Variants in SLC9A6 observed in about 807,000 individuals in gnomAD.
The protein encoded by SLC9A6 is sodium/hydrogen exchanger 6.
SLC9A6 carries 6 observed loss-of-function variants against 45.3 expected under a neutral mutation model. The ratio of observed to expected loss-of-function variants is 0.13; its 90% CI spans 0.07 to 0.26. The LOEUF (loss-of-function observed/expected upper bound fraction) is 0.26, where lower values mean the gene tolerates loss of function less well. Among genes scored for constraint, SLC9A6 ranks in the 10% least tolerant of loss-of-function variants. The pLI is 1.00. For synonymous variants in SLC9A6, 191 were observed against 187.7 expected, an observed-to-expected ratio of 1.02 and a Z score of -0.14; for missense variants, 278 against 503.7, an observed-to-expected ratio of 0.55 and a Z score of 4.29.
chrX:135,983,705 T>G (rs2089298303), upstream of SLC9A6: 1 of 106,832 alleles, frequency 9.4e-6, no homozygotes, highest in African/African-American at 3.4e-5. Flanking sequence ...CTTCGGGTTT[T>G]TTTTTTTTTT....
chrX:135,984,300 T>G (rs2089302938), upstream of SLC9A6, among the ~76,000 whole-genome samples: 1 of 111,483 alleles, frequency 9.0e-6, no homozygotes, highest in African/African-American at 3.3e-5. Context: ...AATTTGTACT[T>G]GCAGGGGGAA....
At chrX:135,989,338 G>A (rs781939537) in intron 2 of SLC9A6, among the ~76,000 whole-genome samples, 4 of 111,957 alleles carry the variant, frequency 3.6e-5, no homozygotes, top group East Asian at 5.6e-4. Context: ...AAAAGTTGTC[G>A]AGGTAGTTAA....
chrX:135,984,196 T>A (rs892922949), upstream of SLC9A6, among the ~76,000 whole-genome samples: 1 of 111,413 alleles, frequency 9.0e-6, no homozygotes, highest in African/African-American at 3.3e-5. Flanking sequence ...GGCCATGAGA[T>A]GGAAAGAACC....
At chrX:136,021,774 G>A (rs1357346139) in intron 11 of SLC9A6, among the ~76,000 whole-genome samples, 7 of 111,719 alleles carry the variant, frequency 6.3e-5, no homozygotes, top group South Asian at 7.6e-4. Flanking sequence ...CTATCCTCCC[G>A]CCCCGGTCTC....
chrX:136,008,105 C>T (rs1556618198), intron 7 of SLC9A6, among the ~76,000 whole-genome samples: 1 of 111,895 alleles, frequency 8.9e-6, no homozygotes, highest in East Asian at 2.8e-4. Context: ...GATGTTCTTT[C>T]AGTTATTTAT....
intron 2 of SLC9A6, among the ~76,000 whole-genome samples, chrX:135,989,933 C>T (rs782490727): frequency 6.4e-5 from 7 of 108,589 alleles, no homozygotes; most frequent in African/African-American, 1.7e-4. Context: ...TTTTGAGACG[C>T]GTTAGGACCT....
chrX:136,041,859 T>C (rs916076545), intron 17 of SLC9A6, among the ~76,000 whole-genome samples: 2 of 111,862 alleles, frequency 1.8e-5, no homozygotes, highest in Non-Finnish European at 3.8e-5. Flanking sequence ...TGAGGGAGAA[T>C]CTGCTCCAGG....
intron 7 of SLC9A6, among the ~76,000 whole-genome samples, chrX:136,005,533 T>C (rs1443660810): frequency 9.0e-6 from 1 of 111,486 alleles, no homozygotes; most frequent in Non-Finnish European, 1.9e-5. Context: ...ATACAAAAAT[T>C]AGTCAGGCGT....
chrX:136,015,439 T>C (rs890337943), intron 10 of SLC9A6, among the ~76,000 whole-genome samples: 16 of 111,778 alleles, frequency 1.4e-4, no homozygotes, highest in African/African-American at 4.6e-4. Context: ...TGTATTGTTT[T>C]AAATCCTGGT....
chrX:136,038,411 A>G (rs1436339374), intron 16 of SLC9A6, among the ~76,000 whole-genome samples: 2 of 112,053 alleles, frequency 1.8e-5, no homozygotes, highest in African/African-American at 6.5e-5. Flanking sequence ...ATGATGTGTT[A>G]TCCTTTGTGT....
intron 17 of SLC9A6, 29 bp downstream of exon 17, chrX:136,040,210 C>A: frequency 1.9e-6 from 2 of 1,044,939 alleles, no homozygotes; most frequent in East Asian, 3.1e-5. Flanking sequence ...AAACTAAATT[C>A]TTCAGTAAGT....
At chrX:135,998,738 C>A in intron 5 of SLC9A6, 118 bp from the exon 6 acceptor site, 1 of 655,264 alleles carries the variant, frequency 1.5e-6, no homozygotes, top group Non-Finnish European at 2.5e-6. Context: ...ATTTCAATGA[C>A]ATGAATTAAA....
intron 4 of SLC9A6, 144 bp from the exon 5 acceptor site, chrX:135,998,338 G>A: frequency 1.8e-6 from 1 of 554,375 alleles, no homozygotes; most frequent in Non-Finnish European, 3.0e-6. Flanking sequence ...ACCTGTACAA[G>A]AATGCTTTCT....
intron 2 of SLC9A6, among the ~76,000 whole-genome samples, chrX:135,992,842 A>G (rs1168169530): frequency 9.0e-6 from 1 of 111,265 alleles, no homozygotes; most frequent in African/African-American, 3.3e-5. Context: ...ATGATTGTTT[A>G]TTCAGTCTGT....
intron 2 of SLC9A6, among the ~76,000 whole-genome samples, chrX:135,991,297 G>T (rs2148138419): frequency 9.7e-6 from 1 of 103,185 alleles, no homozygotes; most frequent in South Asian, 4.4e-4. Flanking sequence ...TTGCTCCATT[G>T]TCCTGGCTGG....
chrX:135,979,827 A>G (rs2089278475), intron 1 of SLC9A6, among the ~76,000 whole-genome samples: 1 of 110,877 alleles, frequency 9.0e-6, no homozygotes, highest in Admixed American at 9.5e-5. Flanking sequence ...GTGCAGTGGC[A>G]CGATCTCAGC....
chrX:136,037,670 A>G (rs1434448225), intron 16 of SLC9A6, among the ~76,000 whole-genome samples: 1 of 112,158 alleles, frequency 8.9e-6, no homozygotes, highest in Non-Finnish European at 1.9e-5. Flanking sequence ...TCCCGGATTC[A>G]AGTGATTCTT....
chrX:135,979,642 TG>T (rs1176728090), intron 1 of SLC9A6, among the ~76,000 whole-genome samples: 5 of 112,390 alleles, frequency 4.4e-5, no homozygotes, highest in Non-Finnish European at 9.4e-5. Flanking sequence ...ACCTCTGCAT[TG>T]GCTCTTTGCA....
At chrX:135,993,716 G>A (rs950869330) in intron 2 of SLC9A6, among the ~76,000 whole-genome samples, 1 of 110,398 alleles carries the variant, frequency 9.1e-6, no homozygotes, top group Admixed American at 9.6e-5. Context: ...GATTGGACCC[G>A]GGAGGCGGAG....
Sources: gnomAD v4.1 joint callset for allele counts (sites outside exome capture counted in the v4.1 genomes callset) on GRCh38, gnomAD v4.1.1 for gene constraint, MANE v1.5 for transcripts, NCBI Gene and HGNC (gene_info 2026-07-23, HGNC 2026-07-21) for gene names.